Variants in MTMR12 observed in about 807,000 individuals in gnomAD.
The protein encoded by MTMR12 is myotubularin-related protein 12.
Under a neutral mutation model 96.7 loss-of-function variants are expected in MTMR12, and 33 were observed. That is an observed-to-expected ratio of 0.34 (90% confidence interval 0.26 to 0.46). The LOEUF (loss-of-function observed/expected upper bound fraction) is 0.46, where lower values mean the gene tolerates loss of function less well. MTMR12 is among the 20% of genes least tolerant of loss of function. The probability of loss-of-function intolerance (pLI) is 1.00; values close to 1 mark genes in which losing one functional copy is unlikely to be tolerated. For synonymous variants in MTMR12, 298 were observed against 327.2 expected (o/e 0.91, Z 0.96); for missense variants, 721 against 896.1 (o/e 0.80, Z 2.49).
intron 1 of MTMR12, among the ~76,000 whole-genome samples, chr5:32,283,118 ATGTGTATAAGC>A (rs1274284308): frequency 2.0e-5 from 3 of 152,200 alleles, no homozygotes; most frequent in Non-Finnish European, 4.4e-5. Context: ...TGTATTCTGA[ATGTGTATAAGC>A]TGTTGTTTTC....
intron 10 of MTMR12, among the ~76,000 whole-genome samples, chr5:32,246,179 T>G (rs545712596): frequency 6.7e-6 from 1 of 150,106 alleles, no homozygotes; most frequent in East Asian, 2.0e-4. Flanking sequence ...AGTTTTTTTT[T>G]TTTTTGAGAT....
intron 4 of MTMR12, among the ~76,000 whole-genome samples, chr5:32,271,622 C>A (rs1749835615): frequency 6.6e-6 from 1 of 152,160 alleles, no homozygotes; most frequent in African/African-American, 2.4e-5. Context: ...TTAAAAAGAA[C>A]AGGTTCCAAG....
chr5:32,230,302 G>A lies in MTMR12; in HGVS notation c.1720C>T (p.Pro574Ser). 6.2e-7 allele frequency: 1 copy of A among 1,613,546 alleles called. No homozygotes were observed. The part of the protein sequence containing the change: ...SLPLTQSKSS[P>S]KRGFFREETD... ...TCTTCCCTGAAAAATCCTCTTTTGG[G>A]AGATGACTTAGATTGTGTAAGTGGC... The change falls in exon 16 of 16, where the codon CCC becomes TCC. Residue 574 changes from proline (P) to serine (S), a missense_variant. Pro to Ser is a moderately conservative substitution (Grantham distance 74). Transcript: ENST00000382142.
At chr5:32,248,175 G>A in intron 9 of MTMR12, 49 bp from the exon 10 acceptor site, 1 of 1,591,714 alleles carries the variant, frequency 6.3e-7, no homozygotes, top group East Asian at 2.2e-5. Context: ...CTCAAATTTT[G>A]CTTAAGGATT....
At chr5:32,276,925 T>G (rs563863654) in intron 1 of MTMR12, among the ~76,000 whole-genome samples, 183 bp from the exon 2 acceptor site, 14 of 118,332 alleles carry the variant, frequency 1.2e-4, no homozygotes, top group African/African-American at 4.5e-4. Flanking sequence ...CTCACTCTGT[T>G]GCCAGGCTGG....
chr5:32,271,069 T>C (rs1416132316), intron 4 of MTMR12, 122 bp from the exon 5 acceptor site: 4 of 1,192,100 alleles, frequency 3.4e-6, no homozygotes, highest in Non-Finnish European at 4.6e-6. Context: ...GGAAAGGTGC[T>C]GCCTGACTTT....
intron 8 of MTMR12, among the ~76,000 whole-genome samples, 180 bp downstream of exon 8, chr5:32,255,513 T>G (rs1387049051): frequency 6.6e-6 from 1 of 152,206 alleles, no homozygotes; most frequent in East Asian, 1.9e-4. Context: ...TGTGAAAACT[T>G]TAGAACTCTG....
chr5:32,241,476 C>G (rs956308706), intron 12 of MTMR12, among the ~76,000 whole-genome samples: 2 of 152,174 alleles, frequency 1.3e-5, no homozygotes, highest in Non-Finnish European at 2.9e-5. Flanking sequence ...TGGGGCTAAA[C>G]GAAACATAGT....
At position 32,233,355 on chromosome 5, in the gene MTMR12, C is replaced by T. The variant is rs1056475899; in HGVS notation, c.1674+418G>A. ...ACAGAGTTTTGCAACCTGTGGTTTA[C>T]AGGCACAGCTCATTAAGAAAAGTCT... On this transcript the variant is annotated intron_variant, in intron 15 of 15. Transcript: ENST00000382142. This position sits in a 1 kb window ranked among gnomAD's most constrained non-coding sequence, Gnocchi z 5.0. Among the ~76,000 whole-genome samples the T allele has an allele frequency of 3.9e-5, 6 of 152,072 alleles. No homozygotes were observed. Among genetic ancestry groups the T allele is most frequent in the Admixed American group, 1.3e-4 (2 of 15,266 alleles).
At chr5:32,281,676 T>C (rs911021222) in intron 1 of MTMR12, among the ~76,000 whole-genome samples, 1 of 151,096 alleles carries the variant, frequency 6.6e-6, no homozygotes, top group Admixed American at 6.6e-5. Flanking sequence ...CTGGGGCGGG[T>C]GGATCACAAA....
At chr5:32,264,026 C>A (rs929746943) in intron 6 of MTMR12, among the ~76,000 whole-genome samples, 2 of 152,118 alleles carry the variant, frequency 1.3e-5, no homozygotes, top group African/African-American at 4.8e-5. Flanking sequence ...GTGTGACAAC[C>A]GGTTCCTGAA....
chr5:32,263,201 T>C lies in MTMR12; in HGVS notation c.625A>G (p.Lys209Glu). 2 of 1,614,178 alleles carry C rather than the reference T, an allele frequency of 1.2e-6. No individual in the cohort carries two copies. The highest frequency in any genetic ancestry group is 1.7e-6 in the Non-Finnish European group (2 of 1,180,006). Residue 209 changes from lysine to glutamate, a missense_variant, in exon 7 of 16, where the codon AAG (lysine) becomes GAG (glutamate). Coordinates refer to ENST00000382142, the MANE Select transcript of MTMR12 (RefSeq NM_001040446.3). ...CGTTCCAGTTCCCAACACCAGTCCT[T>C]AAGTGTGTCAAACATTACGGTATGG... The part of the protein sequence containing the change: ...KNHTVMFDTL[K>E]DWCWELERTK...
chr5:32,291,660 C>T (rs980371847), intron 1 of MTMR12, among the ~76,000 whole-genome samples: 2 of 152,132 alleles, frequency 1.3e-5, no homozygotes, highest in African/African-American at 4.8e-5. Flanking sequence ...CACAATGGGC[C>T]CATAAACGAA....
At chr5:32,260,948 G>A (rs1438249774) in intron 7 of MTMR12, among the ~76,000 whole-genome samples, 1 of 151,650 alleles carries the variant, frequency 6.6e-6, no homozygotes, top group African/African-American at 2.4e-5. Flanking sequence ...AAAAATGTAG[G>A]TCAGCCAGGC....
chr5:32,252,502 C>T (rs1324769358), intron 8 of MTMR12, among the ~76,000 whole-genome samples: 2 of 152,156 alleles, frequency 1.3e-5, no homozygotes, highest in Non-Finnish European at 2.9e-5. Context: ...GCTTATATGC[C>T]AGGTCCTAGA....
At chr5:32,278,695 A>G (rs1377515834) in intron 1 of MTMR12, among the ~76,000 whole-genome samples, 2 of 152,132 alleles carry the variant, frequency 1.3e-5, no homozygotes, top group Non-Finnish European at 1.5e-5. Context: ...TTTTGTAAAA[A>G]GCTCCCCAGA....
Position 32,248,097 on chromosome 5 carries a change from T to C in MTMR12, c.926A>G (p.Tyr309Cys). Reference protein sequence around the residue: ...GIYKTIHRPPYEIVKTEDLSS... With the variant: ...GIYKTIHRPPCEIVKTEDLSS... ...CAGGTCTTCCGTTTTAACAATTTCA[T>C]AGGGTGGCCTGTGGATGGTCTTGTA... is the stretch of plus-strand genomic sequence containing the variant. Residue 309 changes from tyrosine (Y) to cysteine (C), a missense_variant, in exon 10 of 16, where the codon TAT (tyrosine) becomes TGT (cysteine). Physicochemically the swap from Tyr to Cys is radical, Grantham distance 194. Coordinates refer to ENST00000382142, the MANE Select transcript of MTMR12 (RefSeq NM_001040446.3). 2.5e-6 allele frequency: 4 copies of C among 1,614,018 alleles called. No homozygotes were observed. Among genetic ancestry groups the C allele is most frequent in the East Asian group, 4.5e-5 (2 of 44,884 alleles).
In MTMR12 at chr5:32,270,873, C is replaced by T; in HGVS notation, c.433G>A (p.Asp145Asn). ...YPEKLIIHCK[D>N]LRVFQFCLRY... ...AGACAAAACTGGAACACTCGAAGGT[C>T]TTTGCAGTGGATGATGAGCTTCTCA... The change falls in exon 5 of 16, where the codon GAC (aspartate) becomes AAC (asparagine). Residue 145 changes from aspartate to asparagine, a missense_variant. Coordinates refer to ENST00000382142, the MANE Select transcript of MTMR12 (RefSeq NM_001040446.3). 1 of 1,614,082 alleles carries T rather than the reference C, an allele frequency of 6.2e-7. No individual in the cohort carries two copies. The highest frequency in any genetic ancestry group is 2.2e-5 in the East Asian group (1 of 44,882).
chr5:32,275,227 A>C (rs937776746), intron 2 of MTMR12, among the ~76,000 whole-genome samples: 5 of 152,140 alleles, frequency 3.3e-5, no homozygotes, highest in Non-Finnish European at 4.4e-5. Context: ...TGAAACACTA[A>C]GGAAATACCG....
Sources: allele counts gnomAD v4.1 joint callset (sites outside exome capture counted in the v4.1 genomes callset), GRCh38; gene constraint gnomAD v4.1.1; non-coding constraint Gnocchi (gnomAD v3.1); transcripts MANE v1.5; gene names NCBI Gene and HGNC (gene_info 2026-07-23, HGNC 2026-07-21).